The following FGF22 variants were observed in gnomAD, a reference collection of about 807,000 sequenced individuals.
The protein encoded by FGF22 is fibroblast growth factor 22.
In FGF22, 11 loss-of-function variants were observed where a neutral mutation model predicts 10.3. The ratio of observed to expected loss-of-function variants is 1.07; its 90% CI spans 0.67 to 1.77. The LOEUF is 1.77. FGF22 is among the 40% of genes most tolerant of loss of function. The pLI is 0.00. For synonymous variants in FGF22, 136 were observed against 122.1 expected (o/e 1.11, Z -0.75); for missense variants, 317 against 273.2 (o/e 1.16, Z -1.13).
At chr19:643,299 C>G (rs1290559142) in exon 2 of FGF22, 1 of 1,611,170 alleles carries the variant, frequency 6.2e-7, no homozygotes. Context: ...CCTCAGGCTT[C>G]TACGTGGCCA....
At position 643,403 on chromosome 19, in the gene FGF22, C is replaced by A; in HGVS notation, c.319-7C>A. The A allele has an allele frequency of 1.2e-6, 2 of 1,609,620 alleles. No individual in the cohort carries two copies. The highest frequency in any genetic ancestry group is 1.7e-6 in the Non-Finnish European group (2 of 1,178,394). ...GGAGGGTGGGCCGGCCTCACCCCCG[C>A]CCGCAGCGACTCTACACCGTGGACT... On this transcript the variant is annotated splice_polypyrimidine_tract_variant and splice_region_variant and intron_variant, in intron 2 of 2. Transcript: ENST00000215530.
At chr19:643,197 G>A (rs1195608247) in intron 1 of FGF22, 38 bp from the exon 2 acceptor site, 1 of 1,430,108 alleles carries the variant, frequency 7.0e-7, no homozygotes, top group East Asian at 2.4e-5. Flanking sequence ...TGCTGGGGGT[G>A]AGCCAGCAAG....
At chr19:640,902 A>C (rs1469998634) in intron 1 of FGF22, 4 of 304,036 alleles carry the variant, frequency 1.3e-5, no homozygotes, top group African/African-American at 2.2e-5. Flanking sequence ...CACCGCTTTC[A>C]TCTGGGCGCC....
rs754498541 is a variant in FGF22 at position 643,259 on chromosome 19, A to C, written c.239A>C (p.His80Pro). ...GGCATCCTGGAGATCCGCTCTGTAC[A>C]CGTGGGCGTCGTGGTCATCAAAGCA... Residue 80 changes from histidine (H) to proline (P), a missense_variant, in exon 2 of 3, where the codon CAC becomes CCC. Physicochemically the swap from His to Pro is moderately conservative, Grantham distance 77. Coordinates refer to ENST00000215530, the Ensembl canonical transcript of FGF22. 4 of 1,611,476 alleles carry C rather than the reference A, an allele frequency of 2.5e-6. No homozygotes were observed. In the African/African-American group the frequency reaches 5.3e-5, roughly 22 times the overall value.
chr19:640,225 CG>C (rs1185602391), intron 1 of FGF22, 86 bp downstream of exon 1: 8 of 931,594 alleles, frequency 8.6e-6, no homozygotes, highest in Non-Finnish European at 1.1e-5. Context: ...CCTGCGCCCG[CG>C]GGGGAGTCCC....
chr19:639,914 G>T (rs931288351), exon 1 of FGF22: 369 of 1,213,428 alleles, frequency 3.0e-4, no homozygotes, highest in Non-Finnish European at 3.6e-4. Flanking sequence ...GCAGCGAACC[G>T]GGTGCCGGGT....
chr19:643,996 C>T (rs1226937741), exon 3 of FGF22: 3 of 264,408 alleles, frequency 1.1e-5, no homozygotes, highest in South Asian at 9.2e-5. Context: ...ACACCAGCCT[C>T]GAAGCCGGTC....
At chr19:641,004 C>T (rs966820416) in intron 1 of FGF22, 2 of 360,852 alleles carry the variant, frequency 5.5e-6, no homozygotes, top group Admixed American at 3.5e-5. Context: ...GGGGTGGCCT[C>T]GGGCCGGGGC....
chr19:640,138 CAGTG>C lies in FGF22; in HGVS notation c.214+4_214+7del. ...GCACCCGCTGGCGCCACGGCCAGGA[CAGTG>C]AGTGCGGGGCGGCGGGGGCCTGGGG... On this transcript the variant is annotated splice_donor_variant and splice_donor_region_variant and coding_sequence_variant and intron_variant, in exon 1 of 3. Coordinates refer to ENST00000215530, the Ensembl canonical transcript of FGF22. LOFTEE classifies it high-confidence loss of function. 7.6e-7 allele frequency: 1 copy of C among 1,315,450 alleles called. No individual in the cohort carries two copies. Among genetic ancestry groups the C allele is most frequent in the Non-Finnish European group, 9.7e-7 (1 of 1,035,394 alleles). 81.5% of individuals were successfully genotyped at this position (1,315,450 alleles called of 1,614,324 possible). A position where few individuals can be genotyped will look rare whatever the true frequency, so the allele number is the denominator to read the frequency against.
chr19:642,847 C>T (rs1466045896), intron 1 of FGF22, among the ~76,000 whole-genome samples: 1 of 65,438 alleles, frequency 1.5e-5, no homozygotes, highest in Non-Finnish European at 2.9e-5. Flanking sequence ...TGCTGCCCCC[C>T]TGACGTCCGT....
At chr19:640,086 G>T in exon 1 of FGF22, 7 of 1,415,140 alleles carry the variant, frequency 4.9e-6, no homozygotes, top group Non-Finnish European at 6.5e-6. Flanking sequence ...TTCTTCCTGC[G>T]CGTGGATCCC....
chr19:639,974 G>A (rs1985845674), exon 1 of FGF22: 1 of 1,261,988 alleles, frequency 7.9e-7, no homozygotes, highest in Non-Finnish European at 9.9e-7. Flanking sequence ...GCTGGCGCGG[G>A]CGCCGGACGC....
chr19:643,628 C>G (rs1985990542), exon 3 of FGF22: 2 of 1,487,914 alleles, frequency 1.3e-6, no homozygotes, highest in East Asian at 4.9e-5. Flanking sequence ...CGGCGGCTCC[C>G]CAAGGTGCCT....
chr19:643,929 G>A (rs998867597), exon 3 of FGF22: 2 of 352,022 alleles, frequency 5.7e-6, no homozygotes, highest in African/African-American at 2.2e-5. Flanking sequence ...GTTGGGAGTG[G>A]GGGCAGGAGC....
At chr19:643,978 G>A (rs979819972) in exon 3 of FGF22, 11 of 298,600 alleles carry the variant, frequency 3.7e-5, no homozygotes, top group South Asian at 7.9e-5. Context: ...GGTGACAGAC[G>A]CCGCAGAACA....
exon 3 of FGF22, chr19:643,925 A>T: frequency 1.5e-4 from 3 of 19,810 alleles, no homozygotes; most frequent in Non-Finnish European, 3.1e-4. Context: ...GCACGTTGGG[A>T]GTGGGGGCAG....
chr19:643,729 A>T (rs1985994291), exon 3 of FGF22: 1 of 853,610 alleles, frequency 1.2e-6, no homozygotes. Context: ...CGCTGTGGAC[A>T]CAGCCCAGGA....
chr19:640,131 G>A (rs1985853557), exon 1 of FGF22: 6 of 1,334,614 alleles, frequency 4.5e-6, no homozygotes, highest in African/African-American at 1.5e-5. Context: ...TGGCGCCACG[G>A]CCAGGACAGT....
At position 643,449 on chromosome 19, in the gene FGF22, G is replaced by A. The variant is rs201800861; in HGVS notation, c.358G>A (p.Glu120Lys). The change falls in exon 3 of 3, where the codon GAA becomes AAA. Residue 120 changes from glutamate to lysine, a missense_variant. Transcript: ENST00000215530. ...GGACTGCAGGTTCCGGGAGCGCATC[G>A]AAGAGAACGGCCACAACACCTACGC... 1.6e-4 allele frequency: 264 copies of A among 1,611,506 alleles called. No homozygotes were observed. In the East Asian group the frequency reaches 4.0e-3, roughly 24 times the overall value.
Sources: gnomAD v4.1 joint callset for allele counts (sites outside exome capture counted in the v4.1 genomes callset) on GRCh38, gnomAD v4.1.1 for gene constraint, MANE v1.5 for transcripts, NCBI Gene and HGNC (gene_info 2026-07-23, HGNC 2026-07-21) for gene names.